Variants in MAPK6 observed in about 807,000 individuals in gnomAD.
MAPK6 encodes the protein ERK-3.
Under a neutral mutation model 59.3 loss-of-function variants are expected in MAPK6, and 19 were observed. That is an observed-to-expected ratio of 0.32 (90% CI 0.22 to 0.47). MAPK6 has a LOEUF of 0.47. Ranked by LOEUF, MAPK6 falls within the 20% of genes least tolerant of loss-of-function variation. The pLI is 1.00. For synonymous variants in MAPK6, 316 were observed against 290.3 expected (o/e 1.09, Z -0.90); for missense variants, 724 against 847.9 (o/e 0.85, Z 1.81).
intron 1 of MAPK6, among the ~76,000 whole-genome samples, chr15:51,975,483 G>C (rs2057154703): frequency 6.6e-6 from 1 of 151,594 alleles, no homozygotes; most frequent in Non-Finnish European, 1.5e-5. Context: ...GGAGGTTGCA[G>C]TGAGCCAAGA....
At chr15:52,033,074 A>G (rs1257676679) in intron 1 of MAPK6, among the ~76,000 whole-genome samples, 1 of 152,216 alleles carries the variant, frequency 6.6e-6, no homozygotes, top group Non-Finnish European at 1.5e-5. Flanking sequence ...CCTGAGAAGT[A>G]ACTGGGATTA....
At chr15:52,021,314 G>C (rs1007148646) in intron 1 of MAPK6, 1 of 150,054 alleles carries the variant, frequency 6.7e-6, no homozygotes, top group Admixed American at 6.6e-5. Context: ...GCTGCTGCAA[G>C]TTTTGAGTTG....
intron 4 of MAPK6, among the ~76,000 whole-genome samples, chr15:52,060,944 C>T (rs1380155112): frequency 6.6e-6 from 1 of 152,208 alleles, no homozygotes; most frequent in Non-Finnish European, 1.5e-5. Context: ...GCCTATCCAG[C>T]ACTACAGTGC....
chr15:51,996,041 G>A (rs1280978910), intron 2 of MAPK6, among the ~76,000 whole-genome samples: 3 of 152,140 alleles, frequency 2.0e-5, no homozygotes, highest in Non-Finnish European at 2.9e-5. Flanking sequence ...CTGGGGAGGC[G>A]ATTTAGATTC....
intron 1 of MAPK6, among the ~76,000 whole-genome samples, chr15:52,045,356 G>A (rs1257955323): frequency 6.6e-6 from 1 of 152,144 alleles, no homozygotes; most frequent in Non-Finnish European, 1.5e-5. Context: ...ATAAGTTGAA[G>A]AACATTATTT....
chr15:51,999,312 T>C (rs577270452), intron 2 of MAPK6, among the ~76,000 whole-genome samples: 1 of 152,308 alleles, frequency 6.6e-6, no homozygotes, highest in South Asian at 2.1e-4. Flanking sequence ...ATTTTTAACA[T>C]TATAACCATT....
intron 1 of MAPK6, among the ~76,000 whole-genome samples, chr15:52,038,980 A>G (rs1308081602): frequency 1.3e-5 from 2 of 152,218 alleles, no homozygotes; most frequent in East Asian, 1.9e-4. Flanking sequence ...TATCTGGTCT[A>G]TGAATTTTTG....
intron 2 of MAPK6, among the ~76,000 whole-genome samples, chr15:51,997,757 A>AT (rs1458985464): frequency 1.3e-5 from 2 of 149,624 alleles, no homozygotes; most frequent in African/African-American, 4.9e-5. Context: ...CACCCAGCTA[A>AT]TTTTTTGTAT....
In MAPK6 at chr15:52,065,826, G is replaced by C. The variant is rs568907820; in HGVS notation, c.*826G>C. On this transcript the variant is annotated 3_prime_UTR_variant, in exon 6 of 6. Coordinates refer to ENST00000261845, the MANE Select transcript of MAPK6 (RefSeq NM_002748.4). The stretch of plus-strand genomic sequence containing the variant: ...GTCAGCTTATCCTAAGGCTGTCCAC[G>C]TACTTAATTTACTTAAGTGTTCATT... The C allele has an allele frequency of 6.6e-6, 1 of 152,476 alleles. No individual in the cohort carries two copies. The highest frequency in any genetic ancestry group is 6.5e-5 in the Admixed American group (1 of 15,272). The allele number at this position is 152,476 out of a possible 1,614,324, so 9.4% of individuals were successfully genotyped here. A position where few individuals can be genotyped will look rare whatever the true frequency, so the allele number is the denominator to read the frequency against.
intron 1 of MAPK6, among the ~76,000 whole-genome samples, chr15:52,040,909 TAA>T (rs1169611483): frequency 1.3e-5 from 2 of 152,246 alleles, no homozygotes; most frequent in Non-Finnish European, 2.9e-5. Context: ...TTTATTCTTA[TAA>T]ATTATTCTCT....
upstream of MAPK6, among the ~76,000 whole-genome samples, chr15:52,015,488 T>C (rs2030207753): frequency 6.6e-6 from 1 of 150,938 alleles, no homozygotes. Context: ...GATTTTTTTT[T>C]TTTTTTTGAG....
rs952897603 is a variant in MAPK6 at position 52,059,317 on chromosome 15, A to G, written c.865+520A>G. 2.0e-5 allele frequency among the ~76,000 whole-genome samples: 3 copies of G among 152,166 alleles called. No individual in the cohort carries two copies. In the East Asian group the frequency reaches 5.8e-4, roughly 29 times the overall value. The stretch of plus-strand genomic sequence containing the variant: ...CTTTATTTTTATTTTTTATTGAAAA[A>G]TAGAGACAGAGTCTTCCCTGGGCTG... On this transcript the variant is annotated intron_variant, in intron 4 of 5. Coordinates refer to ENST00000261845, the MANE Select transcript of MAPK6 (RefSeq NM_002748.4).
intron 1 of MAPK6, among the ~76,000 whole-genome samples, chr15:52,032,803 A>T (rs776711177): frequency 6.6e-6 from 1 of 151,288 alleles, no homozygotes; most frequent in Non-Finnish European, 1.5e-5. Context: ...TCCTGCCTCA[A>T]CCTCCCTAGC....
At chr15:52,048,444 C>T (rs556864411) in intron 2 of MAPK6, among the ~76,000 whole-genome samples, 1 of 151,006 alleles carries the variant, frequency 6.6e-6, no homozygotes, top group East Asian at 2.0e-4. Flanking sequence ...ATGGTGAAAC[C>T]CTGTCTCTCC....
chr15:52,056,660 C>T (rs2031996063), intron 3 of MAPK6: 1 of 152,230 alleles, frequency 6.6e-6, no homozygotes, highest in African/African-American at 2.4e-5. Flanking sequence ...TGTCTTTGGG[C>T]ACGCCACTCT....
chr15:52,060,816 G>A (rs74013661), intron 4 of MAPK6, among the ~76,000 whole-genome samples: 13,482 of 152,200 alleles, frequency 0.089, 1,459 homozygotes, highest in African/African-American at 0.25. Flanking sequence ...ATCAGTGAAG[G>A]ATGGGAAAGG....
At chr15:52,009,882 C>T (rs970310690) in intron 3 of MAPK6, among the ~76,000 whole-genome samples, 8 of 151,934 alleles carry the variant, frequency 5.3e-5, no homozygotes, top group Admixed American at 6.6e-5. Flanking sequence ...AAGTGATTCT[C>T]CTGCTTTAGC....
intron 2 of MAPK6, among the ~76,000 whole-genome samples, chr15:51,991,896 A>G (rs1169883656): frequency 6.6e-6 from 1 of 152,226 alleles, no homozygotes; most frequent in African/African-American, 2.4e-5. Context: ...GCTTTAGGAC[A>G]TTTGAAGTAT....
At chr15:52,058,937 T>C in intron 4 of MAPK6, 140 bp downstream of exon 4, 2 of 567,062 alleles carry the variant, frequency 3.5e-6, no homozygotes, top group Non-Finnish European at 5.5e-6. Flanking sequence ...ACGTAAAACT[T>C]CAACTCTCAT....
Sources: allele counts gnomAD v4.1 joint callset (sites outside exome capture counted in the v4.1 genomes callset), GRCh38; gene constraint gnomAD v4.1.1; transcripts MANE v1.5; gene names NCBI Gene and HGNC (gene_info 2026-07-23, HGNC 2026-07-21).